VPS8: variants seen among roughly 807,000 people sequenced by gnomAD.
VPS8 encodes the protein VPS8 subunit of CORVET complex.
A neutral mutation model predicts 216.4 loss-of-function variants in VPS8; 129 were observed. The ratio of observed to expected loss-of-function variants is 0.60; its 90% CI spans 0.52 to 0.69. The LOEUF (loss-of-function observed/expected upper bound fraction) is 0.69, where lower values mean the gene tolerates loss of function less well. VPS8 is among the 30% of genes least tolerant of loss of function. The pLI is 0.00. For synonymous variants in VPS8, 571 were observed against 565.4 expected (o/e 1.01, Z -0.14); for missense variants, 1,531 against 1,683.5 (o/e 0.91, Z 1.59).
At chr3:184,996,604 C>CGT in intron 44 of VPS8, 103 bp downstream of exon 44, 1 of 1,331,174 alleles carries the variant, frequency 7.5e-7, no homozygotes, top group Non-Finnish European at 1.0e-6. Context: ...TAGCAGTGAA[C>CGT]GTGATAGGCA....
chr3:184,844,562 T>TA (rs1722770545), intron 8 of VPS8, among the ~76,000 whole-genome samples: 1 of 152,170 alleles, frequency 6.6e-6, no homozygotes, highest in Admixed American at 6.5e-5. Context: ...CTTTGAGAAA[T>TA]AGAGGATTGG....
In VPS8 at chr3:184,966,691, A is replaced by G. The variant is rs764037645; in HGVS notation, c.3294A>G (p.Gln1098=). ...CCTAGAGACTACAAAGCAAACTTCA[A>G]GAGGTAACACATCAAGGTGAAAGTA... is the stretch of plus-strand genomic sequence containing the variant. The part of the protein sequence containing the change: ...IMLERLQSKL[Q]EVTHQGENTK... The change falls in exon 39 of 48, where the codon CAA becomes CAG. Residue 1098 remains glutamine (Q), a synonymous_variant. Coordinates refer to ENST00000625842, the MANE Select transcript of VPS8 (RefSeq NM_001009921.3). The G allele has an allele frequency of 2.5e-6, 4 of 1,594,656 alleles. No individual in the cohort carries two copies. The South Asian group carries it at 4.6e-5, about 18-fold the overall frequency.
intron 42 of VPS8, among the ~76,000 whole-genome samples, chr3:184,983,337 G>A (rs1426204351): frequency 6.6e-6 from 1 of 152,164 alleles, no homozygotes; most frequent in Non-Finnish European, 1.5e-5. Context: ...GCGGCCTTCA[G>A]ATATTCCCTG....
Position 184,904,953 on chromosome 3 carries a change from G to A in VPS8, c.2146+3981G>A, listed in dbSNP as rs1052771706. 3.9e-5 allele frequency among the ~76,000 whole-genome samples: 6 copies of A among 152,312 alleles called. No homozygotes were observed. In the East Asian group the frequency reaches 1.2e-3, roughly 29 times the overall value. On this transcript the variant is annotated intron_variant, in intron 25 of 47. Transcript: ENST00000625842. ...CAAACTTACGTCTTACAATTCTGGT[G>A]CCTGAGAAGTCCAAAATCAAGGTGC...
chr3:184,971,444 G>A (rs188107208), intron 39 of VPS8, among the ~76,000 whole-genome samples: 3 of 152,290 alleles, frequency 2.0e-5, no homozygotes, highest in African/African-American at 4.8e-5. Context: ...TCTGTCCTAC[G>A]AATGTAAAAC....
intron 5 of VPS8, among the ~76,000 whole-genome samples, chr3:184,838,449 C>T (rs185431557): frequency 3.2e-4 from 48 of 152,168 alleles, no homozygotes; most frequent in Non-Finnish European, 5.4e-4. Flanking sequence ...TTTGCATTTC[C>T]ATTATAATCA....
chr3:185,015,702 A>G (rs932071471), intron 45 of VPS8, among the ~76,000 whole-genome samples: 2 of 152,248 alleles, frequency 1.3e-5, no homozygotes, highest in African/African-American at 4.8e-5. Flanking sequence ...CCACAAAGTC[A>G]GCTAAATGGG....
At chr3:184,984,173 G>T (rs1389125250) in intron 42 of VPS8, among the ~76,000 whole-genome samples, 2 of 118 alleles carry the variant, frequency 0.017, no homozygotes, top group Admixed American at 0.17. Flanking sequence ...AACAGAGCGA[G>T]ACTCCGTCTC....
intron 25 of VPS8, among the ~76,000 whole-genome samples, chr3:184,906,827 T>A (rs1354501797): frequency 6.6e-6 from 1 of 152,186 alleles, no homozygotes; most frequent in Non-Finnish European, 1.5e-5. Flanking sequence ...TTTCTTTTCC[T>A]CAGTAGATAA....
At chr3:184,990,813 A>T (rs1751798246) in intron 42 of VPS8, among the ~76,000 whole-genome samples, 1 of 152,198 alleles carries the variant, frequency 6.6e-6, no homozygotes, top group Non-Finnish European at 1.5e-5. Context: ...CTCAGATGCA[A>T]ATGAAAAAAT....
chr3:184,895,737 G>T (rs534273726), intron 23 of VPS8, among the ~76,000 whole-genome samples: 1 of 140,116 alleles, frequency 7.1e-6, no homozygotes, highest in East Asian at 2.1e-4. Flanking sequence ...GGGTTGAAGC[G>T]ATTCTTGTGC....
chr3:184,954,100 C>A (rs183055792), intron 36 of VPS8, among the ~76,000 whole-genome samples: 6 of 152,240 alleles, frequency 3.9e-5, no homozygotes, highest in Admixed American at 6.5e-5. Context: ...CAGGGAACAC[C>A]TTACTTACAT....
chr3:184,844,083 A>G (rs939069757), intron 8 of VPS8, among the ~76,000 whole-genome samples: 1 of 152,298 alleles, frequency 6.6e-6, no homozygotes, highest in East Asian at 1.9e-4. Context: ...TTTCCTGATT[A>G]GATCTTTTCT....
chr3:185,045,609 A>G (rs1712693726), intron 46 of VPS8, among the ~76,000 whole-genome samples: 2 of 152,100 alleles, frequency 1.3e-5, no homozygotes, highest in Admixed American at 1.3e-4. Flanking sequence ...CATCTCTACT[A>G]AAAACACAAA....
At chr3:185,004,444 CG>C (rs908476189) in intron 45 of VPS8, among the ~76,000 whole-genome samples, 2 of 152,204 alleles carry the variant, frequency 1.3e-5, no homozygotes, top group Non-Finnish European at 2.9e-5. Flanking sequence ...AGTCCAGCCT[CG>C]GCTCGGCCTC....
intron 37 of VPS8, among the ~76,000 whole-genome samples, chr3:184,960,923 T>C (rs1464170402): frequency 6.6e-6 from 1 of 152,228 alleles, no homozygotes; most frequent in Non-Finnish European, 1.5e-5. Context: ...AGTCTGACTC[T>C]GTAGTGCATG....
intron 40 of VPS8, among the ~76,000 whole-genome samples, chr3:184,980,008 C>T (rs1320844805): frequency 6.6e-6 from 1 of 152,162 alleles, no homozygotes; most frequent in Admixed American, 6.5e-5. Flanking sequence ...ATTTCCTTAG[C>T]ATTCATTGTC....
At position 184,886,152 on chromosome 3, in the gene VPS8, C is replaced by A; in HGVS notation, c.1777C>A (p.Arg593=). The A allele has an allele frequency of 6.2e-7, 1 of 1,607,848 alleles. No homozygotes were observed. Among genetic ancestry groups the A allele is most frequent in the South Asian group, 1.1e-5 (1 of 89,516 alleles). The part of the protein sequence containing the change: ...VIVDYCLLLQ[R]KDLLFSQMYD... ...AGTTGATTACTGCCTTCTGCTGCAG[C>A]GAAAGTGAGTATGCGTTGCCTGTCA... is the stretch of plus-strand genomic sequence containing the variant. Residue 593 remains arginine, a synonymous_variant, in exon 22 of 48, where the codon CGA becomes AGA. Transcript: ENST00000625842.
At chr3:184,881,918 GTTTAT>G (rs1002713551) in intron 21 of VPS8, among the ~76,000 whole-genome samples, 5 of 151,810 alleles carry the variant, frequency 3.3e-5, no homozygotes, top group Non-Finnish European at 5.9e-5. Flanking sequence ...CATATGGAAT[GTTTAT>G]TTTATATTCT....
Sources: gnomAD v4.1 joint callset for allele counts (sites outside exome capture counted in the v4.1 genomes callset) on GRCh38, gnomAD v4.1.1 for gene constraint, MANE v1.5 for transcripts, NCBI Gene and HGNC (gene_info 2026-07-23, HGNC 2026-07-21) for gene names.